The following FOXP1 variants were observed in gnomAD, a reference collection of about 807,000 sequenced individuals.
The protein encoded by FOXP1 is forkhead box protein P1.
In FOXP1, 15 loss-of-function variants were observed where a neutral mutation model predicts 98.2. The ratio of observed to expected loss-of-function variants is 0.15; its 90% CI spans 0.10 to 0.24. The LOEUF (loss-of-function observed/expected upper bound fraction) is 0.24. Ranked by LOEUF, FOXP1 falls within the 10% of genes least tolerant of loss-of-function variation. FOXP1 has a pLI of 1.00. For missense variants in FOXP1, 633 were observed against 848.5 expected, an observed-to-expected ratio of 0.75 and a Z score of 3.15; for synonymous variants, 371 against 314.5, an observed-to-expected ratio of 1.18 and a Z score of -1.90.
intron 11 of FOXP1, among the ~76,000 whole-genome samples, chr3:71,032,247 T>C (rs1364421723): frequency 2.0e-5 from 3 of 152,250 alleles, no homozygotes; most frequent in Admixed American, 2.0e-4. Context: ...TTGTCCCATA[T>C]TAACACCACC....
At chr3:71,225,009 A>T (rs1266722741) in intron 5 of FOXP1, among the ~76,000 whole-genome samples, 1 of 152,214 alleles carries the variant, frequency 6.6e-6, no homozygotes, top group Admixed American at 6.5e-5. Context: ...CCTATACAAT[A>T]CCTGCAATAA....
intron 5 of FOXP1, among the ~76,000 whole-genome samples, chr3:71,244,326 TC>T (rs936166032): frequency 3.3e-5 from 5 of 151,742 alleles, no homozygotes; most frequent in African/African-American, 1.2e-4. Context: ...GCATGATCTC[TC>T]CCCCCTCTTT....
At chr3:71,068,224 T>A (rs898724806) in intron 7 of FOXP1, among the ~76,000 whole-genome samples, 23 of 152,188 alleles carry the variant, frequency 1.5e-4, no homozygotes, top group African/African-American at 5.3e-4. Context: ...GCTGTGCACT[T>A]AAGAACAGAT....
chr3:71,413,291 C>CA (rs71120329), intron 3 of FOXP1, among the ~76,000 whole-genome samples: 5,219 of 97,820 alleles, frequency 0.053, 140 homozygotes, highest in Non-Finnish European at 0.076. Flanking sequence ...CACACACACA[C>CA]CCAAAACAGC....
intron 6 of FOXP1, among the ~76,000 whole-genome samples, chr3:71,179,296 T>G (rs1005766075): frequency 2.6e-5 from 4 of 151,854 alleles, no homozygotes; most frequent in Non-Finnish European, 5.9e-5. Context: ...GCCCAGCTAA[T>G]TTTTTTGTAT....
intron 12 of FOXP1, among the ~76,000 whole-genome samples, chr3:71,010,534 G>A (rs2043441351): frequency 6.6e-6 from 1 of 152,146 alleles, no homozygotes; most frequent in Non-Finnish European, 1.5e-5. Context: ...TACTAGGGGA[G>A]TGTAAAATCA....
chr3:71,514,573 T>C (rs1316585119), intron 2 of FOXP1, among the ~76,000 whole-genome samples: 3 of 152,242 alleles, frequency 2.0e-5, no homozygotes, highest in Non-Finnish European at 2.9e-5. Flanking sequence ...TAAATATCTG[T>C]TGACTGAACA....
chr3:71,514,833 C>T (rs1018473736), intron 2 of FOXP1, among the ~76,000 whole-genome samples: 1 of 152,238 alleles, frequency 6.6e-6, no homozygotes, highest in African/African-American at 2.4e-5. Flanking sequence ...TCTCACACCA[C>T]GCCCAGTAAG....
chr3:71,479,257 T>A (rs543832584), intron 3 of FOXP1, among the ~76,000 whole-genome samples: 8 of 152,224 alleles, frequency 5.3e-5, no homozygotes, highest in Non-Finnish European at 5.9e-5. Context: ...TCCAGCATAC[T>A]AAAGTTTCAA....
chr3:71,073,138 C>A (rs2053448620), intron 7 of FOXP1, among the ~76,000 whole-genome samples: 1 of 152,176 alleles, frequency 6.6e-6, no homozygotes, highest in Admixed American at 6.5e-5. Flanking sequence ...TCTAATTGAT[C>A]TTAATTAAAT....
intron 5 of FOXP1, among the ~76,000 whole-genome samples, chr3:71,248,526 A>G (rs2067929769): frequency 6.6e-6 from 1 of 152,082 alleles, no homozygotes; most frequent in Admixed American, 6.6e-5. Context: ...GTGGATCACG[A>G]GCTCAGGAGT....
chr3:71,018,881 T>C (rs192152231), intron 11 of FOXP1, among the ~76,000 whole-genome samples: 2 of 152,310 alleles, frequency 1.3e-5, no homozygotes, highest in South Asian at 2.1e-4. Flanking sequence ...TGCACACATA[T>C]GTGTGTTTGC....
intron 20 of FOXP1, among the ~76,000 whole-genome samples, chr3:70,965,364 T>C (rs963164460): frequency 1.3e-5 from 2 of 152,234 alleles, no homozygotes; most frequent in African/African-American, 4.8e-5. Context: ...TCTGCTGCTA[T>C]AATGCTCCTA....
chr3:71,501,326 C>T (rs1245729374), intron 2 of FOXP1, among the ~76,000 whole-genome samples: 7 of 141,942 alleles, frequency 4.9e-5, no homozygotes, highest in Non-Finnish European at 9.0e-5. Flanking sequence ...GACGGAGTCT[C>T]GCTGTGTTGC....
At chr3:70,997,936 C>T (rs1050488227) in intron 13 of FOXP1, among the ~76,000 whole-genome samples, 1 of 152,208 alleles carries the variant, frequency 6.6e-6, no homozygotes, top group Non-Finnish European at 1.5e-5. Flanking sequence ...CCTCGTCCAG[C>T]TTTCCATGAC....
At chr3:71,252,463 A>G (rs1374965361) in intron 5 of FOXP1, among the ~76,000 whole-genome samples, 1 of 152,198 alleles carries the variant, frequency 6.6e-6, no homozygotes, top group Non-Finnish European at 1.5e-5. Context: ...GAGAGAGTGG[A>G]GCTAATAAAA....
intron 3 of FOXP1, among the ~76,000 whole-genome samples, chr3:71,404,700 A>T (rs754606985): frequency 6.6e-6 from 1 of 152,238 alleles, no homozygotes; most frequent in Non-Finnish European, 1.5e-5. Context: ...AATTTACAAG[A>T]AAGTGCAGGC....
intron 3 of FOXP1, among the ~76,000 whole-genome samples, chr3:71,363,186 A>AT (rs1455577005): frequency 4.6e-5 from 7 of 152,072 alleles, no homozygotes; most frequent in African/African-American, 1.7e-4. Flanking sequence ...AATTTTTTCA[A>AT]TTTTTTATTG....
chr3:71,570,228 C>T (rs2047229174), intron 2 of FOXP1: 1 of 151,874 alleles, frequency 6.6e-6, no homozygotes. Context: ...TTAGTGCTCA[C>T]TTGGCCTGGG....
Sources: gnomAD v4.1 joint callset for allele counts (sites outside exome capture counted in the v4.1 genomes callset) on GRCh38, gnomAD v4.1.1 for gene constraint, MANE v1.5 for transcripts, NCBI Gene and HGNC (gene_info 2026-07-23, HGNC 2026-07-21) for gene names.